Variants in RBFOX1 observed in about 807,000 individuals in gnomAD.
The protein encoded by RBFOX1 is RNA binding protein fox-1 homolog 1.
In RBFOX1, 8 loss-of-function variants were observed where a neutral mutation model predicts 57.7. The ratio of observed to expected loss-of-function variants is 0.14; its 90% CI spans 0.08 to 0.25. RBFOX1 has a LOEUF of 0.25. RBFOX1 is among the 10% of genes least tolerant of loss of function. The pLI is 1.00. For synonymous variants in RBFOX1, 326 were observed against 222.4 expected (o/e 1.47, Z -4.15); for missense variants, 611 against 548.5 (o/e 1.11, Z -1.14).
rs193283069 is a variant in RBFOX1 at position 7,062,188 on chromosome 16, G to A, written c.27+10090G>A. Among the ~76,000 whole-genome samples the A allele has an allele frequency of 1.2e-4, 18 of 151,676 alleles. No individual in the cohort carries two copies. The East Asian group carries it at 1.8e-3, about 15-fold the overall frequency. On this transcript the variant is annotated intron_variant, in intron 4 of 15. Coordinates refer to ENST00000550418, the MANE Select transcript of RBFOX1 (RefSeq NM_018723.4). ...CAAAAAATTAGCTGGGCATGGTGGC[G>A]GGTGCCTGCAGTTCCAGCTACTCAG...
At chr16:7,410,114 T>G (rs12051285) in intron 4 of RBFOX1, among the ~76,000 whole-genome samples, 71,151 of 151,926 alleles carry the variant, frequency 0.47, 16,935 homozygotes, top group East Asian at 0.62. Context: ...GAAATTGCTG[T>G]CATTTGACAA....
At chr16:7,228,621 G>T (rs774743822) in intron 4 of RBFOX1, among the ~76,000 whole-genome samples, 3 of 152,182 alleles carry the variant, frequency 2.0e-5, no homozygotes, top group African/African-American at 7.2e-5. Flanking sequence ...TCAAATCTTG[G>T]GCTAGAAGGA....
intron 12 of RBFOX1, among the ~76,000 whole-genome samples, chr16:7,662,119 T>C (rs1250764240): frequency 6.6e-6 from 1 of 152,174 alleles, no homozygotes; most frequent in African/African-American, 2.4e-5. Context: ...ATGTGCCCCG[T>C]TGGAACAGCC....
chr16:7,015,141 T>C (rs376591363), intron 3 of RBFOX1, among the ~76,000 whole-genome samples: 27 of 152,334 alleles, frequency 1.8e-4, no homozygotes, highest in East Asian at 1.4e-3. Flanking sequence ...ATGTTCTCTT[T>C]TTCCTTTCTT....
At chr16:6,229,330 T>C (rs2097440833) in intron 1 of RBFOX1, among the ~76,000 whole-genome samples, 1 of 152,242 alleles carries the variant, frequency 6.6e-6, no homozygotes, top group Admixed American at 6.5e-5. Flanking sequence ...AACCAGTTCC[T>C]CTGCACGCAG....
intron 2 of RBFOX1, among the ~76,000 whole-genome samples, chr16:5,579,766 T>TTA (rs959387063): frequency 1.3e-5 from 2 of 151,654 alleles, no homozygotes; most frequent in African/African-American, 4.9e-5. Flanking sequence ...CTTTCTTTTT[T>TTA]TTTTTTTCCT....
In RBFOX1 at chr16:6,852,710, C is replaced by G. The variant is rs148286054; in HGVS notation, c.-16+198060C>G. On this transcript the variant is annotated intron_variant, in intron 3 of 15. Coordinates refer to ENST00000550418, the MANE Select transcript of RBFOX1 (RefSeq NM_018723.4). ...AGGTGCATGCCAGGAAATAGCTGTG[C>G]CAGCGAGGCGTGGGCTGGGAACTAG... Among the ~76,000 whole-genome samples, 33 of 150,062 alleles carry G rather than the reference C, an allele frequency of 2.2e-4. 1 individual carries two copies. The East Asian group carries it at 6.5e-3, about 30-fold the overall frequency.
At chr16:6,661,212 G>C (rs1024043758) in intron 3 of RBFOX1, among the ~76,000 whole-genome samples, 1 of 152,178 alleles carries the variant, frequency 6.6e-6, no homozygotes, top group African/African-American at 2.4e-5. Flanking sequence ...ATGCAGAAAA[G>C]TTTCAAGAGA....
intron 3 of RBFOX1, among the ~76,000 whole-genome samples, chr16:6,986,997 G>C (rs1005441310): frequency 9.9e-5 from 15 of 152,120 alleles, no homozygotes; most frequent in Admixed American, 2.0e-4. Flanking sequence ...GCCAGGGTTT[G>C]TTGGTTAGTC....
chr16:6,828,522 TA>T (rs781606124), intron 3 of RBFOX1, among the ~76,000 whole-genome samples: 2,471 of 142,594 alleles, frequency 0.017, 46 homozygotes, highest in African/African-American at 0.049. Context: ...GACGTGTCTT[TA>T]AAAAAAAAAA....
intron 4 of RBFOX1, among the ~76,000 whole-genome samples, chr16:7,235,402 G>T: frequency 6.6e-6 from 1 of 152,188 alleles, no homozygotes; most frequent in East Asian, 1.9e-4. Context: ...GTGACCTACT[G>T]TACTGAAAAG....
chr16:7,175,346 G>T lies in RBFOX1; in HGVS notation c.27+123248G>T, dbSNP rs114394067. On this transcript the variant is annotated intron_variant, in intron 4 of 15. Transcript: ENST00000550418. ...TTCTTCGCCTGTGAAATGGGTCTCAGTGAATCTTGAGGAATCTTACATTAC... is the reference window on the plus strand; with the variant it reads ...TTCTTCGCCTGTGAAATGGGTCTCATTGAATCTTGAGGAATCTTACATTAC... 9.6e-3 allele frequency among the ~76,000 whole-genome samples: 1,455 copies of T among 152,254 alleles called. 25 individuals carry two copies. The highest frequency in any genetic ancestry group is 0.033 in the African/African-American group (1,375 of 41,520).
chr16:6,195,410 T>A, intron 1 of RBFOX1, among the ~76,000 whole-genome samples: 1 of 152,146 alleles, frequency 6.6e-6, no homozygotes, highest in Non-Finnish European at 1.5e-5. Context: ...TGGCCTTTAG[T>A]AGATGCTCGT....
chr16:7,348,126 T>C (rs999935903), intron 4 of RBFOX1, among the ~76,000 whole-genome samples: 1 of 152,220 alleles, frequency 6.6e-6, no homozygotes, highest in East Asian at 1.9e-4. Flanking sequence ...TACCATAAAA[T>C]TAATGTGGGC....
intron 3 of RBFOX1, among the ~76,000 whole-genome samples, chr16:5,765,672 C>A (rs1215123030): frequency 6.6e-6 from 1 of 152,144 alleles, no homozygotes; most frequent in Non-Finnish European, 1.5e-5. Flanking sequence ...CCGAAAATGG[C>A]AGGGTATGGA....
chr16:6,165,466 C>T (rs1008590672), intron 1 of RBFOX1, among the ~76,000 whole-genome samples: 1 of 152,122 alleles, frequency 6.6e-6, no homozygotes, highest in Admixed American at 6.6e-5. Context: ...GAGCTATTTG[C>T]AGAAGTCTCA....
chr16:5,723,852 C>T (rs1329328244), intron 3 of RBFOX1, among the ~76,000 whole-genome samples: 6 of 152,206 alleles, frequency 3.9e-5, no homozygotes, highest in East Asian at 1.9e-4. Flanking sequence ...GGACCTTGCA[C>T]CATTGTTTTC....
intron 3 of RBFOX1, among the ~76,000 whole-genome samples, chr16:7,020,202 TTTTCTTTG>T (rs774604521): frequency 3.3e-4 from 50 of 152,236 alleles, no homozygotes; most frequent in Admixed American, 4.6e-4. Context: ...ATTTTCTTTT[TTTTCTTTG>T]TTTCTTTGTT....
At chr16:7,316,175 A>G (rs186419697) in intron 4 of RBFOX1, among the ~76,000 whole-genome samples, 3 of 152,356 alleles carry the variant, frequency 2.0e-5, no homozygotes, top group East Asian at 3.9e-4. Context: ...CACTTTGTGT[A>G]TCAGAGAAAG....
Sources: gnomAD v4.1 joint callset for allele counts (sites outside exome capture counted in the v4.1 genomes callset) on GRCh38, gnomAD v4.1.1 for gene constraint, MANE v1.5 for transcripts, NCBI Gene and HGNC (gene_info 2026-07-23, HGNC 2026-07-21) for gene names.